The following ARHGAP26 variants were observed in gnomAD, a reference collection of about 807,000 sequenced individuals.
ARHGAP26 encodes the protein Rho GTPase activating protein 26, also known as rho GTPase-activating protein 26.
In ARHGAP26, 38 loss-of-function variants were observed where a neutral mutation model predicts 104.8. The ratio of observed to expected loss-of-function variants is 0.36; its 90% CI spans 0.28 to 0.48. The LOEUF is 0.48. ARHGAP26 is among the 20% of genes least tolerant of loss of function. The pLI, the probability that ARHGAP26 is intolerant of heterozygous loss-of-function variation, is 0.99. For missense variants in ARHGAP26, 704 were observed against 947.9 expected, an observed-to-expected ratio of 0.74 and a Z score of 3.38; for synonymous variants, 341 against 340.0, an observed-to-expected ratio of 1.00 and a Z score of -0.03.
intron 10 of ARHGAP26, among the ~76,000 whole-genome samples, chr5:142,924,315 C>T (rs1039799547): frequency 2.6e-5 from 4 of 152,046 alleles, no homozygotes; most frequent in African/African-American, 7.2e-5. Context: ...ATGCTACATG[C>T]ACAGGGGGGC....
At chr5:143,064,771 T>G (rs1384134141) in intron 17 of ARHGAP26, among the ~76,000 whole-genome samples, 1 of 152,194 alleles carries the variant, frequency 6.6e-6, no homozygotes, top group Admixed American at 6.5e-5. Context: ...TTTGTAGCCT[T>G]TAGAGATAGG....
intron 17 of ARHGAP26, among the ~76,000 whole-genome samples, chr5:143,065,361 G>A (rs186154040): frequency 2.0e-5 from 3 of 152,188 alleles, no homozygotes; most frequent in Admixed American, 6.5e-5. Flanking sequence ...TGTTATCTGC[G>A]ATACTTATGT....
intron 12 of ARHGAP26, among the ~76,000 whole-genome samples, chr5:143,029,618 A>G (rs1429868881): frequency 6.6e-6 from 1 of 151,866 alleles, no homozygotes; most frequent in African/African-American, 2.4e-5. Flanking sequence ...CATGTTGCCC[A>G]GGTTGGTCTC....
chr5:143,084,298 A>T (rs1790233825), intron 17 of ARHGAP26, among the ~76,000 whole-genome samples: 1 of 152,252 alleles, frequency 6.6e-6, no homozygotes, highest in Non-Finnish European at 1.5e-5. Context: ...AGAGAACAAG[A>T]ACCAGACAGA....
At chr5:142,914,735 G>A (rs1762266019) in intron 10 of ARHGAP26, among the ~76,000 whole-genome samples, 1 of 152,140 alleles carries the variant, frequency 6.6e-6, no homozygotes, top group Non-Finnish European at 1.5e-5. Flanking sequence ...GTAGCAAAGG[G>A]GAATTGCAAA....
At chr5:142,820,461 A>ACAAG (rs1554117997) in intron 1 of ARHGAP26, among the ~76,000 whole-genome samples, 1 of 151,380 alleles carries the variant, frequency 6.6e-6, no homozygotes, top group African/African-American at 2.4e-5. Context: ...AAACAAACAA[A>ACAAG]AAAAACCCAC....
At chr5:142,890,151 A>AAAAAT (rs1252590997) in intron 5 of ARHGAP26, among the ~76,000 whole-genome samples, 56 of 32,402 alleles carry the variant, frequency 1.7e-3, no homozygotes, top group African/African-American at 2.8e-3. Context: ...AAAAAAAAAA[A>AAAAAT]ATATATATAT....
intron 1 of ARHGAP26, among the ~76,000 whole-genome samples, chr5:142,856,780 T>C (rs1383227512): frequency 1.3e-5 from 2 of 152,172 alleles, no homozygotes; most frequent in African/African-American, 4.8e-5. Context: ...AGAAGGATGT[T>C]TGTAGGTTAT....
rs1055394617 is a variant in ARHGAP26, at chr5:143,228,372, CAA to C, written c.*5927_*5928del. Reference sequence around the variant, plus strand: ...ACTCGGAGGTTGAGAATTAGAGACACAAGAGAGGCTGTGGATGGCCTATTAAA... The same window carrying C: ...ACTCGGAGGTTGAGAATTAGAGACACGAGAGGCTGTGGATGGCCTATTAAA... On this transcript the variant is annotated 3_prime_UTR_variant, in exon 23 of 23. Coordinates refer to ENST00000645722, the MANE Select transcript of ARHGAP26 (RefSeq NM_001135608.3). 3 of 222,828 alleles carry C rather than the reference CAA, an allele frequency of 1.3e-5. No homozygotes were observed. The highest frequency in any genetic ancestry group is 2.7e-5 in the Non-Finnish European group (3 of 111,670). The allele number at this position is 222,828 out of a possible 1,614,324, so 13.8% of individuals were successfully genotyped here. A position where few individuals can be genotyped will look rare whatever the true frequency, so the allele number is the denominator to read the frequency against.
intron 20 of ARHGAP26, among the ~76,000 whole-genome samples, chr5:143,193,174 T>G (rs2151267636): frequency 6.6e-6 from 1 of 151,866 alleles, no homozygotes; most frequent in Non-Finnish European, 1.5e-5. Flanking sequence ...TGGCCACCCT[T>G]TAGTTGTTTA....
At chr5:143,037,480 T>C (rs1020363386) in intron 13 of ARHGAP26, among the ~76,000 whole-genome samples, 1 of 152,200 alleles carries the variant, frequency 6.6e-6, no homozygotes, top group African/African-American at 2.4e-5. Flanking sequence ...GTGTTAAATA[T>C]CTAAAATACG....
intron 20 of ARHGAP26, among the ~76,000 whole-genome samples, chr5:143,156,141 CTG>C (rs1214838582): frequency 6.6e-6 from 1 of 152,186 alleles, no homozygotes; most frequent in African/African-American, 2.4e-5. Flanking sequence ...GTTTCTACCT[CTG>C]TGTATTTAAT....
chr5:142,897,832 T>C (rs1253321074), intron 6 of ARHGAP26, among the ~76,000 whole-genome samples: 1 of 152,178 alleles, frequency 6.6e-6, no homozygotes, highest in Non-Finnish European at 1.5e-5. Flanking sequence ...ATCTAGTAAA[T>C]AGCAGAGCTG....
chr5:143,025,490 G>A (rs184003682), intron 12 of ARHGAP26, among the ~76,000 whole-genome samples: 1 of 152,158 alleles, frequency 6.6e-6, no homozygotes. Context: ...GATCTCTTTC[G>A]GTTGAGAAAT....
At chr5:142,905,167 T>G (rs535985422) in intron 8 of ARHGAP26, among the ~76,000 whole-genome samples, 1 of 152,344 alleles carries the variant, frequency 6.6e-6, no homozygotes, top group South Asian at 2.1e-4. Context: ...AAAATATAAA[T>G]TTTTAGGACT....
chr5:142,879,392 G>A lies in ARHGAP26; in HGVS notation c.331G>A (p.Val111Met), dbSNP rs1338223059. The change falls in exon 4 of 23, where the codon GTG becomes ATG. Residue 111 changes from valine (V) to methionine (M), a missense_variant. Val to Met is a conservative substitution (Grantham distance 21). This residue lies in a region of ARHGAP26 where 106 missense variants were observed against 120.5 expected (regional missense o/e 0.88). Coordinates refer to ENST00000645722, the MANE Select transcript of ARHGAP26 (RefSeq NM_001135608.3). ...TCACCAGATTGAGAATGCCAGCGAG[G>A]TGCTCATCACTCCCTTGGAGAAGTT... ...RIRMIENASE[V>M]LITPLEKFRK... The A allele has an allele frequency of 1.2e-6, 2 of 1,614,114 alleles. No individual in the cohort carries two copies. Among genetic ancestry groups the A allele is most frequent in the South Asian group, 1.1e-5 (1 of 91,082 alleles).
At chr5:142,846,320 ATG>A (rs1771935485) in intron 1 of ARHGAP26, among the ~76,000 whole-genome samples, 1 of 152,130 alleles carries the variant, frequency 6.6e-6, no homozygotes, top group Admixed American at 6.6e-5. Context: ...GCCGAGGTAT[ATG>A]TGTCGGGTGA....
chr5:143,107,660 T>C (rs1029032293), intron 17 of ARHGAP26, among the ~76,000 whole-genome samples: 2 of 152,226 alleles, frequency 1.3e-5, no homozygotes, highest in Non-Finnish European at 2.9e-5. Context: ...TGTGAGTGAC[T>C]CTTGCTGAGA....
At chr5:143,216,822 A>G (rs910088481) in intron 22 of ARHGAP26, 1 of 153,294 alleles carries the variant, frequency 6.5e-6, no homozygotes, top group Non-Finnish European at 1.5e-5. Context: ...TAGAAAATGG[A>G]CCTGACAAAA....
Sources: allele counts gnomAD v4.1 joint callset (sites outside exome capture counted in the v4.1 genomes callset), GRCh38; gene constraint gnomAD v4.1.1; regional missense constraint gnomAD v4.1.1; transcripts MANE v1.5; gene names NCBI Gene and HGNC (gene_info 2026-07-23, HGNC 2026-07-21).